Variants in ARHGEF10 observed in about 807,000 individuals in gnomAD.
ARHGEF10 encodes the protein Rho guanine nucleotide exchange factor (GEF) 10.
In ARHGEF10, 140 loss-of-function variants were observed where a neutral mutation model predicts 147.4. The observed-to-expected ratio is 0.95, with a 90% CI of 0.83 to 1.09. The LOEUF (loss-of-function observed/expected upper bound fraction) is 1.09, where lower values mean the gene tolerates loss of function less well. Among genes scored for constraint, ARHGEF10 ranks in the 50% least tolerant of loss-of-function variants. The pLI is 0.00. For missense variants in ARHGEF10, 2,222 were observed against 1,752.7 expected, an observed-to-expected ratio of 1.27 and a Z score of -4.78; for synonymous variants, 902 against 695.8, an observed-to-expected ratio of 1.30 and a Z score of -4.67.
intron 26 of ARHGEF10, among the ~76,000 whole-genome samples, chr8:1,944,456 C>T (rs1585636013): frequency 1.3e-5 from 2 of 152,200 alleles, no homozygotes; most frequent in South Asian, 2.1e-4. Context: ...TCCTGCCCGC[C>T]GGGTTCACTG....
At chr8:1,845,886 C>T (rs972236459) in intron 2 of ARHGEF10, among the ~76,000 whole-genome samples, 4 of 152,202 alleles carry the variant, frequency 2.6e-5, no homozygotes, top group African/African-American at 7.2e-5. Context: ...GCCCAGGGTT[C>T]CCTGCAGCAG....
At chr8:1,955,054 CTA>C (rs1815387965) in intron 28 of ARHGEF10, among the ~76,000 whole-genome samples, 3 of 134,248 alleles carry the variant, frequency 2.2e-5, no homozygotes, top group Admixed American at 7.7e-5. Flanking sequence ...GGATGGGTAG[CTA>C]GGTGCTCCCT....
At chr8:1,832,052 C>T (rs1181033064) in intron 1 of ARHGEF10, among the ~76,000 whole-genome samples, 3 of 152,146 alleles carry the variant, frequency 2.0e-5, no homozygotes, top group Non-Finnish European at 2.9e-5. Flanking sequence ...GTGCTTCCTC[C>T]TGACTGTGGG....
chr8:1,835,947 C>T (rs1457313305), intron 1 of ARHGEF10, among the ~76,000 whole-genome samples: 3 of 152,086 alleles, frequency 2.0e-5, no homozygotes, highest in East Asian at 1.9e-4. Flanking sequence ...TTTGGGAGGC[C>T]GAGGCGGGCA....
chr8:1,848,633 TG>T (rs1348100527), intron 2 of ARHGEF10, among the ~76,000 whole-genome samples: 1 of 152,152 alleles, frequency 6.6e-6, no homozygotes, highest in Non-Finnish European at 1.5e-5. Context: ...TAATCTAAAT[TG>T]GGTAATTAAA....
At chr8:1,931,807 T>G (rs5013951) in intron 25 of ARHGEF10, among the ~76,000 whole-genome samples, 138,829 of 151,942 alleles carry the variant, frequency 0.91, 63,550 homozygotes, top group East Asian at 1. Context: ...CGATTTGGGA[T>G]CCTGCTGAGG....
Position 1,905,670 on chromosome 8 carries a change from G to C in ARHGEF10, c.1921G>C (p.Val641Leu). Residue 641 changes from valine (V) to leucine (L), a missense_variant, in exon 17 of 29, where the codon GTC (valine) becomes CTC (leucine). Val to Leu is a conservative substitution (Grantham distance 32). Transcript: ENST00000349830. ...GATTGTTAAAACCAAAGAACGCCGA[G>C]TCTTCATGTTAAATGATGTGTTAAT... ...GEIVKTKERR[V>L]FMLNDVLMCA... The C allele has an allele frequency of 6.2e-7, 1 of 1,614,198 alleles. No individual in the cohort carries two copies. Among genetic ancestry groups the C allele is most frequent in the African/African-American group, 1.3e-5 (1 of 75,066 alleles).
chr8:1,831,539 G>T (rs112555045), intron 1 of ARHGEF10, among the ~76,000 whole-genome samples: 538 of 73,970 alleles, frequency 7.3e-3, no homozygotes, highest in Non-Finnish European at 8.5e-3. Flanking sequence ...GAGGGACAGT[G>T]TGACGGCCGT....
At chr8:1,915,498 G>A (rs561254726) in intron 18 of ARHGEF10, among the ~76,000 whole-genome samples, 16 of 152,360 alleles carry the variant, frequency 1.1e-4, no homozygotes, top group African/African-American at 3.4e-4. Context: ...CTCTGTCTGG[G>A]GGAGGAAACG....
intron 1 of ARHGEF10, among the ~76,000 whole-genome samples, chr8:1,826,382 G>A (rs374801426): frequency 2.0e-5 from 3 of 151,876 alleles, no homozygotes; most frequent in South Asian, 2.1e-4. Context: ...ATGTGTGTGC[G>A]TTTGTGTGTG....
intron 28 of ARHGEF10, among the ~76,000 whole-genome samples, chr8:1,955,881 G>T (rs573430871): frequency 2.9e-4 from 44 of 152,240 alleles, no homozygotes; most frequent in Non-Finnish European, 6.0e-4. Context: ...GTGATGAGCG[G>T]GCCTGTCCCT....
chr8:1,831,740 C>T (rs555098287), intron 1 of ARHGEF10, among the ~76,000 whole-genome samples: 3 of 152,380 alleles, frequency 2.0e-5, no homozygotes, highest in East Asian at 1.9e-4. Context: ...CTGTGCGGGT[C>T]GTGCACTGCT....
chr8:1,909,318 T>G lies in ARHGEF10; in HGVS notation c.1991T>G (p.Met664Arg). 1 of 1,614,234 alleles carries G rather than the reference T, an allele frequency of 6.2e-7. No individual in the cohort carries two copies. The change falls in exon 18 of 29, where the codon ATG (methionine) becomes AGG (arginine). Residue 664 changes from methionine (M) to arginine (R), a missense_variant. By Grantham distance (91) the Met-to-Arg change is moderately conservative. Coordinates refer to ENST00000349830, the MANE Select transcript of ARHGEF10 (RefSeq NM_014629.4). ...AGCCCCTCTCATGACAGCCGTGTGA[T>G]GAGCAGCCAGAGGTACTTGCTGAAG... The part of the protein sequence containing the change: ...SSRPSHDSRV[M>R]SSQRYLLKWS...
chr8:1,902,554 G>T (rs1031839419), intron 15 of ARHGEF10, among the ~76,000 whole-genome samples: 3 of 151,952 alleles, frequency 2.0e-5, no homozygotes, highest in African/African-American at 7.3e-5. Context: ...GCAAAATTGA[G>T]CGGAAAGTAC....
chr8:1,854,776 T>C (rs1342655358), intron 2 of ARHGEF10, among the ~76,000 whole-genome samples: 1 of 152,248 alleles, frequency 6.6e-6, no homozygotes, highest in Non-Finnish European at 1.5e-5. Flanking sequence ...CGTCATTCTC[T>C]CATTCATTCG....
rs1345971491 is a variant in ARHGEF10, at chr8:1,824,397, C to T, written c.-48+284C>T. Reference sequence around the variant, plus strand: ...CTGGCCCCAGGGGCAGGAGCGAACTCCGATCGGCGGAAGGAGCCCGAGGGG... The same window carrying T: ...CTGGCCCCAGGGGCAGGAGCGAACTTCGATCGGCGGAAGGAGCCCGAGGGG... On this transcript the variant is annotated intron_variant, in intron 1 of 28. Transcript: ENST00000349830. 3.9e-5 allele frequency among the ~76,000 whole-genome samples: 6 copies of T among 152,102 alleles called. No homozygotes were observed. In the East Asian group the frequency reaches 7.8e-4, roughly 20 times the overall value.
intron 18 of ARHGEF10, among the ~76,000 whole-genome samples, chr8:1,918,447 T>G (rs1467645123): frequency 6.7e-6 from 1 of 148,380 alleles, no homozygotes; most frequent in Non-Finnish European, 1.5e-5. Context: ...CATGATAGGT[T>G]CACATTTGAT....
At chr8:1,906,567 G>T (rs998614299) in intron 17 of ARHGEF10, among the ~76,000 whole-genome samples, 4 of 152,268 alleles carry the variant, frequency 2.6e-5, no homozygotes, top group African/African-American at 9.6e-5. Context: ...ATATCTGCCT[G>T]CCCTCCTCAC....
In ARHGEF10 at chr8:1,860,102, T is replaced by G; in HGVS notation, c.399T>G (p.Tyr133Ter). The G allele has an allele frequency of 6.2e-7, 1 of 1,614,078 alleles. No individual in the cohort carries two copies. The highest frequency in any genetic ancestry group is 8.5e-7 in the Non-Finnish European group (1 of 1,179,998). ...CGYLVPVPCG[Y>*]AVPSNLPLLL... Reference sequence around the variant, plus strand: ...ACTTGGTGCCTGTACCCTGCGGCTATGCGGTGCCCTCCAACCTGCCCCTCC... The same window carrying G: ...ACTTGGTGCCTGTACCCTGCGGCTAGGCGGTGCCCTCCAACCTGCCCCTCC... Residue 133 changes from tyrosine (Y) to a stop codon, truncating the protein, a stop_gained, in exon 4 of 29, where the codon TAT (tyrosine) becomes TAG (stop). Transcript: ENST00000349830. LOFTEE classifies it high-confidence loss of function.
Sources: allele counts gnomAD v4.1 joint callset (sites outside exome capture counted in the v4.1 genomes callset), GRCh38; gene constraint gnomAD v4.1.1; transcripts MANE v1.5; gene names NCBI Gene and HGNC (gene_info 2026-07-23, HGNC 2026-07-21).